Variants in DOCK1 observed in about 807,000 individuals in gnomAD.
DOCK1 encodes dedicator of cytokinesis protein 1.
A neutral mutation model predicts 262.7 loss-of-function variants in DOCK1; 138 were observed. That is an observed-to-expected ratio of 0.53 (90% CI 0.46 to 0.61). The LOEUF is 0.61. Ranked by LOEUF, DOCK1 falls within the 20% of genes least tolerant of loss-of-function variation. DOCK1 has a pLI of 0.00. For missense variants in DOCK1, 1,908 were observed against 2,370.7 expected, an observed-to-expected ratio of 0.80 and a Z score of 4.05; for synonymous variants, 866 against 867.4, an observed-to-expected ratio of 1.00 and a Z score of 0.03.
intron 29 of DOCK1, among the ~76,000 whole-genome samples, chr10:127,291,174 T>C (rs115173267): frequency 0.016 from 2,462 of 152,238 alleles, 75 homozygotes; most frequent in African/African-American, 0.057. Context: ...GTCAAGACTT[T>C]TGCTTACAAA....
chr10:126,908,537 G>A (rs985112756), intron 1 of DOCK1, among the ~76,000 whole-genome samples: 9 of 152,194 alleles, frequency 5.9e-5, no homozygotes, highest in African/African-American at 1.9e-4. Context: ...CTTGGAATCT[G>A]TTAGAAGCAT....
intron 27 of DOCK1, among the ~76,000 whole-genome samples, chr10:127,188,795 G>T (rs969670978): frequency 6.6e-6 from 1 of 152,222 alleles, no homozygotes; most frequent in African/African-American, 2.4e-5. Context: ...TCTGTGCTTT[G>T]TGTATGTCTG....
intron 38 of DOCK1, among the ~76,000 whole-genome samples, chr10:127,392,610 ACAAT>A (rs2066548094): frequency 6.6e-6 from 1 of 152,134 alleles, no homozygotes; most frequent in Non-Finnish European, 1.5e-5. Context: ...CAAACAGCAC[ACAAT>A]CAAGAAGGTG....
At chr10:126,905,593 C>T (rs1214706370) in intron 1 of DOCK1, 30 bp downstream of exon 1, 14 of 347,156 alleles carry the variant, frequency 4.0e-5, no homozygotes, top group Non-Finnish European at 6.2e-5. Flanking sequence ...CCGCGCCTCT[C>T]GCCCCAAGCC....
intron 28 of DOCK1, 145 bp from the exon 29 acceptor site, chr10:127,257,190 C>A: frequency 1.5e-6 from 1 of 653,890 alleles, no homozygotes; most frequent in Non-Finnish European, 2.5e-6. Flanking sequence ...TAATTCACAG[C>A]TCCTATGAAA....
At chr10:127,156,704 G>A (rs1592274731) in intron 27 of DOCK1, among the ~76,000 whole-genome samples, 1 of 151,548 alleles carries the variant, frequency 6.6e-6, no homozygotes, top group Non-Finnish European at 1.5e-5. Flanking sequence ...GAGTAGCTGG[G>A]ATTACAGGCA....
chr10:127,051,209 A>G (rs1264961255), intron 21 of DOCK1, among the ~76,000 whole-genome samples: 1 of 151,986 alleles, frequency 6.6e-6, no homozygotes, highest in African/African-American at 2.4e-5. Context: ...TTAGATCCCA[A>G]TTTATAAATA....
At chr10:127,133,190 G>C (rs1463775090) in intron 27 of DOCK1, among the ~76,000 whole-genome samples, 2 of 152,150 alleles carry the variant, frequency 1.3e-5, no homozygotes, top group African/African-American at 4.8e-5. Context: ...GGCCTGACAT[G>C]CTCCTTCATT....
chr10:127,432,343 C>G (rs2069352776), intron 47 of DOCK1, among the ~76,000 whole-genome samples: 1 of 152,086 alleles, frequency 6.6e-6, no homozygotes, highest in South Asian at 2.1e-4. Context: ...CTGTAATCTA[C>G]CGCTTCTGGC....
At chr10:127,225,992 C>T (rs912544306) in intron 27 of DOCK1, among the ~76,000 whole-genome samples, 1 of 149,896 alleles carries the variant, frequency 6.7e-6, no homozygotes, top group Non-Finnish European at 1.5e-5. Flanking sequence ...GCAGGAGAAT[C>T]GATTGAACTT....
At chr10:127,150,129 G>A (rs903564310) in intron 27 of DOCK1, among the ~76,000 whole-genome samples, 8 of 152,170 alleles carry the variant, frequency 5.3e-5, no homozygotes, top group African/African-American at 1.9e-4. Flanking sequence ...GGCTCACTTG[G>A]AGTCTATACT....
At chr10:127,396,444 G>C (rs2066851318) in intron 38 of DOCK1, among the ~76,000 whole-genome samples, 1 of 152,182 alleles carries the variant, frequency 6.6e-6, no homozygotes, top group Non-Finnish European at 1.5e-5. Flanking sequence ...TTTAAGAAGA[G>C]TTCTTTCTTG....
At chr10:126,951,618 G>A (rs1237645787) in intron 1 of DOCK1, among the ~76,000 whole-genome samples, 16 of 85,256 alleles carry the variant, frequency 1.9e-4, no homozygotes, top group East Asian at 4.6e-4. Context: ...TGTTGGTGGT[G>A]GTATTGTTGG....
chr10:127,439,658 C>T (rs1008739302), intron 49 of DOCK1, among the ~76,000 whole-genome samples: 3 of 152,164 alleles, frequency 2.0e-5, no homozygotes, highest in Admixed American at 6.5e-5. Context: ...TTAAAATCAG[C>T]GGAACTAGAA....
chr10:127,220,032 A>ACAGAG (rs2058366970), intron 27 of DOCK1, among the ~76,000 whole-genome samples: 1 of 152,168 alleles, frequency 6.6e-6, no homozygotes, highest in Admixed American at 6.5e-5. Flanking sequence ...AGTCTTCAGC[A>ACAGAG]CAGAGCATGA....
chr10:127,331,095 A>G (rs12249435), intron 29 of DOCK1, among the ~76,000 whole-genome samples: 8,535 of 152,230 alleles, frequency 0.056, 841 homozygotes, highest in African/African-American at 0.19. Flanking sequence ...GGCTCAGACA[A>G]GTGGCTAAAG....
At chr10:127,203,951 G>A (rs1188991640) in intron 27 of DOCK1, among the ~76,000 whole-genome samples, 2 of 150,426 alleles carry the variant, frequency 1.3e-5, no homozygotes, top group Non-Finnish European at 3.0e-5. Context: ...GCTTGTAAAT[G>A]TTGCTTAATG....
intron 1 of DOCK1, among the ~76,000 whole-genome samples, chr10:126,928,505 T>TGGAGGCAGAAGTGGGTGTTACACGACCA (rs2033942893): frequency 6.6e-6 from 1 of 151,726 alleles, no homozygotes; most frequent in African/African-American, 2.4e-5. Context: ...CTCAGCTGTG[T>TGGAGGCAGAAGTGGGTGTTACACGACCA]CCTGAGAGCT....
intron 29 of DOCK1, among the ~76,000 whole-genome samples, chr10:127,285,578 C>G (rs2061120401): frequency 6.6e-6 from 1 of 152,204 alleles, no homozygotes; most frequent in Admixed American, 6.5e-5. Context: ...GGGAGTGGGA[C>G]TCCGTGCTGA....
Sources: gnomAD v4.1 joint callset for allele counts (sites outside exome capture counted in the v4.1 genomes callset) on GRCh38, gnomAD v4.1.1 for gene constraint, MANE v1.5 for transcripts, NCBI Gene and HGNC (gene_info 2026-07-23, HGNC 2026-07-21) for gene names.